The following EPB41L4A variants were observed in gnomAD, a reference collection of about 807,000 sequenced individuals.
The protein encoded by EPB41L4A is erythrocyte membrane protein band 4.1 like 4A.
A neutral mutation model predicts 108.6 loss-of-function variants in EPB41L4A; 100 were observed. That is an observed-to-expected ratio of 0.92 (90% CI 0.78 to 1.09). EPB41L4A has a LOEUF of 1.09. Ranked by LOEUF, EPB41L4A falls within the 50% of genes least tolerant of loss-of-function variation. The probability of loss-of-function intolerance (pLI) is 0.00; values close to 1 mark genes in which losing one functional copy is unlikely to be tolerated. For missense variants in EPB41L4A, 1,030 were observed against 842.7 expected (o/e 1.22, Z -2.75); for synonymous variants, 319 against 289.0 (o/e 1.10, Z -1.05).
downstream of EPB41L4A, chr5:112,160,852 A>C (rs1168958294): frequency 1.9e-5 from 3 of 156,188 alleles, no homozygotes; most frequent in Non-Finnish European, 4.4e-5. Flanking sequence ...GCATTGTGGG[A>C]CGGAAGCCTG....
chr5:112,233,603 G>A (rs1052511233), intron 12 of EPB41L4A, among the ~76,000 whole-genome samples: 25 of 151,694 alleles, frequency 1.6e-4, no homozygotes, highest in African/African-American at 7.3e-5. Context: ...TAATAGATAG[G>A]GGCCTCACTT....
chr5:112,239,813 C>T, intron 10 of EPB41L4A, 76 bp from the exon 11 acceptor site: 1 of 920,148 alleles, frequency 1.1e-6, no homozygotes, highest in South Asian at 1.6e-5. Context: ...TCTCCTAACA[C>T]AAACTTTATA....
At chr5:112,374,205 G>C (rs1759665701) in intron 1 of EPB41L4A, among the ~76,000 whole-genome samples, 1 of 152,208 alleles carries the variant, frequency 6.6e-6, no homozygotes, top group African/African-American at 2.4e-5. Flanking sequence ...ACAAACCGTA[G>C]CCATGAAGAA....
intron 11 of EPB41L4A, among the ~76,000 whole-genome samples, chr5:112,238,223 A>G (rs1005914773): frequency 6.6e-6 from 1 of 152,194 alleles, no homozygotes; most frequent in Non-Finnish European, 1.5e-5. Flanking sequence ...GAACAGTCCA[A>G]GTACTGACTA....
Position 112,294,284 on chromosome 5 carries a change from G to A in EPB41L4A, c.204+13102C>T, listed in dbSNP as rs117843828. On this transcript the variant is annotated intron_variant, in intron 2 of 22. Transcript: ENST00000261486. ...TAAGAGAAGGAGGGAGCATGCAGGC[G>A]TGGGAAGGGGAGGTGTGGGAATGCT... 5.6e-4 allele frequency among the ~76,000 whole-genome samples: 86 copies of A among 152,284 alleles called. No homozygotes were observed. The East Asian group carries it at 0.014, about 24-fold the overall frequency.
intron 2 of EPB41L4A, among the ~76,000 whole-genome samples, chr5:112,281,575 C>T (rs1422385874): frequency 6.6e-6 from 1 of 152,206 alleles, no homozygotes; most frequent in Non-Finnish European, 1.5e-5. Context: ...GTTTCCATTT[C>T]CTCGTGCTCC....
chr5:112,321,507 T>C (rs1193889538), intron 1 of EPB41L4A, among the ~76,000 whole-genome samples: 2 of 152,202 alleles, frequency 1.3e-5, no homozygotes, highest in African/African-American at 4.8e-5. Context: ...CATTATTATG[T>C]ACATTATTTG....
intron 2 of EPB41L4A, among the ~76,000 whole-genome samples, chr5:112,287,482 C>G (rs1753365096): frequency 6.6e-6 from 1 of 152,228 alleles, no homozygotes; most frequent in African/African-American, 2.4e-5. Context: ...ATTTCTTCAA[C>G]AACTCTTTTA....
chr5:112,373,782 G>A (rs1213513909), intron 1 of EPB41L4A, among the ~76,000 whole-genome samples: 1 of 152,164 alleles, frequency 6.6e-6, no homozygotes, highest in East Asian at 1.9e-4. Flanking sequence ...AACAACTGCA[G>A]TCAACATCAG....
At chr5:112,354,360 T>G (rs914871495) in intron 1 of EPB41L4A, among the ~76,000 whole-genome samples, 4 of 151,978 alleles carry the variant, frequency 2.6e-5, no homozygotes, top group Non-Finnish European at 5.9e-5. Context: ...GTTGAGTGTA[T>G]GGACAAAGTA....
At chr5:112,391,942 T>A (rs562866104) in intron 1 of EPB41L4A, among the ~76,000 whole-genome samples, 1 of 152,264 alleles carries the variant, frequency 6.6e-6, no homozygotes, top group African/African-American at 2.4e-5. Flanking sequence ...AAGAAAAGAA[T>A]TTTCAACCCA....
rs1252583743 is a variant in EPB41L4A, at chr5:112,148,147, TATA to T, written n.995-2152_995-2150del. On this transcript the variant is annotated intron_variant and non_coding_transcript_variant, in intron 12 of 13. Transcript: ENST00000507810. The stretch of plus-strand genomic sequence containing the variant: ...ATAATATAATAGTATTACTATATAA[TATA>T]ATAATATAATAGTATTACTATATAA... Among the ~76,000 whole-genome samples, 7 of 148,210 alleles carry T rather than the reference TATA, an allele frequency of 4.7e-5. 1 individual carries two copies. Among genetic ancestry groups the T allele is most frequent in the Middle Eastern group, 7.1e-3 (2 of 280 alleles).
At chr5:112,272,502 C>A (rs1752332315) in intron 4 of EPB41L4A, among the ~76,000 whole-genome samples, 1 of 151,506 alleles carries the variant, frequency 6.6e-6, no homozygotes, top group African/African-American at 2.4e-5. Flanking sequence ...TTATGGAATA[C>A]AATGTAGGAG....
chr5:112,301,863 A>C (rs1754382778), intron 2 of EPB41L4A, among the ~76,000 whole-genome samples: 1 of 152,150 alleles, frequency 6.6e-6, no homozygotes, highest in South Asian at 2.1e-4. Flanking sequence ...TAGGAAATAA[A>C]CTTTTAAAAT....
At chr5:112,307,352 C>T in intron 2 of EPB41L4A, 34 bp downstream of exon 2, 3 of 1,418,502 alleles carry the variant, frequency 2.1e-6, no homozygotes, top group Non-Finnish European at 3.0e-6. Context: ...AAATTTATAA[C>T]CAGAAAAATT....
At chr5:112,156,821 G>A (rs1452061611) in intron 12 of EPB41L4A, among the ~76,000 whole-genome samples, 1 of 152,150 alleles carries the variant, frequency 6.6e-6, no homozygotes, top group Non-Finnish European at 1.5e-5. Flanking sequence ...TATGGCTTTA[G>A]CAGTACAATC....
chr5:112,144,604 T>C (rs1454664251), intron 13 of EPB41L4A, among the ~76,000 whole-genome samples: 1 of 152,136 alleles, frequency 6.6e-6, no homozygotes, highest in African/African-American at 2.4e-5. Flanking sequence ...TTTTAGAGGC[T>C]TTACTGGCCA....
At chr5:112,283,643 G>C (rs1167383204) in intron 2 of EPB41L4A, among the ~76,000 whole-genome samples, 3 of 152,186 alleles carry the variant, frequency 2.0e-5, no homozygotes, top group African/African-American at 7.2e-5. Context: ...CTAAAACTGG[G>C]ATATCATTCA....
At chr5:112,354,454 G>A (rs930524271) in intron 1 of EPB41L4A, among the ~76,000 whole-genome samples, 20 of 152,272 alleles carry the variant, frequency 1.3e-4, no homozygotes, top group African/African-American at 3.1e-4. Context: ...TCAGCTCTCC[G>A]GCAACACTGC....
Sources: allele counts gnomAD v4.1 joint callset (sites outside exome capture counted in the v4.1 genomes callset), GRCh38; gene constraint gnomAD v4.1.1; transcripts MANE v1.5; gene names NCBI Gene and HGNC (gene_info 2026-07-23, HGNC 2026-07-21).